Variants in ZMPSTE24 observed in about 807,000 individuals in gnomAD.
ZMPSTE24 encodes CAAX prenyl protease 1 homolog.
ZMPSTE24 carries 48 observed loss-of-function variants against 56.7 expected under a neutral mutation model. The ratio of observed to expected loss-of-function variants is 0.85; its 90% CI spans 0.67 to 1.08. The LOEUF (loss-of-function observed/expected upper bound fraction) is 1.08. Among genes scored for constraint, ZMPSTE24 ranks in the 50% least tolerant of loss-of-function variants. The pLI, the probability that ZMPSTE24 is intolerant of heterozygous loss-of-function variation, is 0.00. For missense variants in ZMPSTE24, 503 were observed against 548.7 expected (o/e 0.92, Z 0.83); for synonymous variants, 172 against 195.2 (o/e 0.88, Z 0.99).
chr1:40,268,697 C>T (rs987559220), intron 4 of ZMPSTE24, among the ~76,000 whole-genome samples, 162 bp downstream of exon 4: 13 of 152,166 alleles, frequency 8.5e-5, no homozygotes, highest in African/African-American at 3.1e-4. Flanking sequence ...GTCTTGGGGG[C>T]CGCGGTGGCT....
At chr1:40,262,786 T>G in intron 2 of ZMPSTE24, 1 of 1,173,682 alleles carries the variant, frequency 8.5e-7, no homozygotes, top group Non-Finnish European at 1.1e-6. Context: ...GTCTGACGGC[T>G]GAGTTTTGCT....
chr1:40,271,925 C>T lies in ZMPSTE24; in HGVS notation c.659C>T (p.Ala220Val). ...GTCACAATCTATGCTGATTATATTG[C>T]CCCTTTATTTGACAAATTCACACCT... ...VLVTIYADYI[A>V]PLFDKFTPLP... Residue 220 changes from alanine to valine, a missense_variant, in exon 6 of 10, where the codon GCC becomes GTC. By Grantham distance (64) the Ala-to-Val change is moderately conservative. Transcript: ENST00000372759. The T allele has an allele frequency of 6.2e-7, 1 of 1,613,536 alleles. No homozygotes were observed.
At chr1:40,261,499 G>A (rs1643496463) in intron 2 of ZMPSTE24, among the ~76,000 whole-genome samples, 1 of 151,996 alleles carries the variant, frequency 6.6e-6, no homozygotes, top group Non-Finnish European at 1.5e-5. Context: ...ACAGTTGCAT[G>A]CCACCATACC....
rs531646259 is a variant in ZMPSTE24, at chr1:40,286,047, ATTCTT to A, written c.1059+21_1059+25del. 4.9e-5 allele frequency: 78 copies of A among 1,599,188 alleles called. 1 individual carries two copies. In the South Asian group the frequency reaches 7.9e-4, roughly 16 times the overall value. On this transcript the variant is annotated intron_variant, in intron 8 of 9. Coordinates refer to ENST00000372759, the MANE Select transcript of ZMPSTE24 (RefSeq NM_005857.5). ...TTAGCCAGGTAAGTGTGGAGTGACA[ATTCTT>A]TTTTTATGGCATGATAGTCAAATTA...
intron 7 of ZMPSTE24, among the ~76,000 whole-genome samples, chr1:40,282,111 T>C (rs1643736206): frequency 6.6e-6 from 1 of 152,188 alleles, no homozygotes; most frequent in Admixed American, 6.5e-5. Context: ...TAAAAAGGAA[T>C]ACCTTCCTCT....
At chr1:40,267,623 G>T (rs1643564538) in intron 2 of ZMPSTE24, among the ~76,000 whole-genome samples, 163 bp from the exon 3 acceptor site, 2 of 147,788 alleles carry the variant, frequency 1.4e-5, no homozygotes, top group African/African-American at 2.4e-5. Flanking sequence ...TTCTGTCTCA[G>T]TCTCCCAAAG....
At chr1:40,258,924 G>A (rs1342259354) in intron 1 of ZMPSTE24, among the ~76,000 whole-genome samples, 1 of 152,104 alleles carries the variant, frequency 6.6e-6, no homozygotes, top group Non-Finnish European at 1.5e-5. Context: ...TTGGGAGGCC[G>A]AGGCGGGCGG....
chr1:40,291,214 T>C (rs1643840475), intron 9 of ZMPSTE24, among the ~76,000 whole-genome samples: 1 of 152,202 alleles, frequency 6.6e-6, no homozygotes, highest in Non-Finnish European at 1.5e-5. Context: ...AAAGTATAAG[T>C]AGAAAACTAG....
intron 8 of ZMPSTE24, among the ~76,000 whole-genome samples, chr1:40,287,907 T>C (rs370001627): frequency 1.2e-4 from 19 of 152,134 alleles, no homozygotes; most frequent in Middle Eastern, 3.4e-3. Flanking sequence ...CAAGGCATGG[T>C]GGCTCATGCC....
chr1:40,279,644 T>A (rs1026892700), intron 6 of ZMPSTE24, among the ~76,000 whole-genome samples: 22 of 152,208 alleles, frequency 1.4e-4, no homozygotes, highest in Admixed American at 1.2e-3. Context: ...AGGCAAAACT[T>A]CATAGCCCAA....
chr1:40,278,847 C>T (rs1643699285), intron 6 of ZMPSTE24, among the ~76,000 whole-genome samples: 1 of 152,092 alleles, frequency 6.6e-6, no homozygotes, highest in Non-Finnish European at 1.5e-5. Context: ...CTGTTAGCTG[C>T]TATTAAAAAT....
chr1:40,272,139 T>A (rs1410990679), intron 6 of ZMPSTE24, 104 bp downstream of exon 6: 5 of 1,328,608 alleles, frequency 3.8e-6, no homozygotes, highest in Non-Finnish European at 5.0e-6. Context: ...TTTGTTTTTT[T>A]CTTTTTAAAA....
chr1:40,275,761 A>AC (rs1643664278), intron 6 of ZMPSTE24, among the ~76,000 whole-genome samples: 1 of 151,696 alleles, frequency 6.6e-6, no homozygotes, highest in African/African-American at 2.4e-5. Flanking sequence ...TCAAAAAAAA[A>AC]AAAAAAAAAA....
In ZMPSTE24 at chr1:40,260,055, C is replaced by G. The variant is rs1175714018; in HGVS notation, c.124-784C>G. ...TATAATGAGATAGTTGATCTTTCTC[C>G]TTTTTTTTTTTTTTTTTTTTTTTTA... On this transcript the variant is annotated intron_variant, in intron 1 of 9. Coordinates refer to ENST00000372759, the MANE Select transcript of ZMPSTE24 (RefSeq NM_005857.5). 4.7e-5 allele frequency among the ~76,000 whole-genome samples: 4 copies of G among 84,342 alleles called. No homozygotes were observed. In the East Asian group the frequency reaches 1.5e-3, roughly 31 times the overall value. 55.3% of individuals were successfully genotyped at this position (84,342 alleles called of 152,430 possible). A position where few individuals can be genotyped will look rare whatever the true frequency, so the allele number is the denominator to read the frequency against.
At position 40,289,306 on chromosome 1, in the gene ZMPSTE24, A is replaced by G. The variant is rs2180002; in HGVS notation, c.1060-1548A>G. On this transcript the variant is annotated intron_variant, in intron 8 of 9. Coordinates refer to ENST00000372759, the MANE Select transcript of ZMPSTE24 (RefSeq NM_005857.5). ...AGATTAACAGATTAACATAGCACCC[A>G]GTTCAGAAGGGATAGTTCAGTTTGC... Among the ~76,000 whole-genome samples, 220 of 152,390 alleles carry G rather than the reference A, an allele frequency of 1.4e-3. 2 individuals are homozygous for G. Among genetic ancestry groups the G allele is most frequent in the Non-Finnish European group, 2.3e-3 (158 of 68,046 alleles).
chr1:40,289,450 T>G (rs1173809123), intron 8 of ZMPSTE24, among the ~76,000 whole-genome samples: 2 of 152,204 alleles, frequency 1.3e-5, no homozygotes, highest in Admixed American at 6.5e-5. Context: ...AGATTATAAG[T>G]GTAGGAGACT....
At chr1:40,282,429 T>A (rs961046990) in intron 7 of ZMPSTE24, among the ~76,000 whole-genome samples, 13 of 152,236 alleles carry the variant, frequency 8.5e-5, no homozygotes, top group Non-Finnish European at 1.8e-4. Flanking sequence ...TTGCCTTTGG[T>A]GTCATACAGA....
At chr1:40,284,335 A>C (rs1557780846) in intron 7 of ZMPSTE24, among the ~76,000 whole-genome samples, 1 of 151,980 alleles carries the variant, frequency 6.6e-6, no homozygotes, top group Non-Finnish European at 1.5e-5. Flanking sequence ...GCAATGTCTT[A>C]ATTTTCTAAA....
At chr1:40,291,439 C>A (rs958601956) in intron 9 of ZMPSTE24, among the ~76,000 whole-genome samples, 4 of 152,190 alleles carry the variant, frequency 2.6e-5, no homozygotes, top group Admixed American at 6.5e-5. Context: ...GGGATCCACC[C>A]AAACCCACAA....
Sources: allele counts gnomAD v4.1 joint callset (sites outside exome capture counted in the v4.1 genomes callset), GRCh38; gene constraint gnomAD v4.1.1; transcripts MANE v1.5; gene names NCBI Gene and HGNC (gene_info 2026-07-23, HGNC 2026-07-21).